RBFOX1: variants seen among roughly 807,000 people sequenced by gnomAD.
The protein encoded by RBFOX1 is RNA binding protein fox-1 homolog 1.
In RBFOX1, 8 loss-of-function variants were observed where a neutral mutation model predicts 57.7. The ratio of observed to expected loss-of-function variants is 0.14; its 90% CI spans 0.08 to 0.25. The LOEUF (loss-of-function observed/expected upper bound fraction) is 0.25. RBFOX1 is among the 10% of genes least tolerant of loss of function. The probability of loss-of-function intolerance (pLI) is 1.00; values close to 1 mark genes in which losing one functional copy is unlikely to be tolerated. For missense variants in RBFOX1, 611 were observed against 548.5 expected (o/e 1.11, Z -1.14); for synonymous variants, 326 against 222.4 (o/e 1.47, Z -4.15).
chr16:6,961,831 G>C (rs1402029644), intron 3 of RBFOX1, among the ~76,000 whole-genome samples: 5 of 152,160 alleles, frequency 3.3e-5, no homozygotes, highest in African/African-American at 1.2e-4. Flanking sequence ...TGAGCAGTGA[G>C]AGCAAACCAG....
intron 4 of RBFOX1, among the ~76,000 whole-genome samples, chr16:7,361,457 C>G (rs1317017811): frequency 6.6e-6 from 1 of 152,186 alleles, no homozygotes; most frequent in African/African-American, 2.4e-5. Flanking sequence ...TTTTACTTGG[C>G]TGAGGGTTAC....
At chr16:6,284,691 CT>C (rs1437761848) in intron 1 of RBFOX1, among the ~76,000 whole-genome samples, 4 of 152,086 alleles carry the variant, frequency 2.6e-5, no homozygotes, top group African/African-American at 7.2e-5. Flanking sequence ...AGATGAACAA[CT>C]ATTCAATCAC....
intron 14 of RBFOX1, among the ~76,000 whole-genome samples, chr16:7,696,950 A>G (rs2078990734): frequency 1.3e-5 from 2 of 152,274 alleles, no homozygotes; most frequent in Non-Finnish European, 2.9e-5. Flanking sequence ...TGGCCCACGG[A>G]TATGAGTACA....
chr16:7,305,084 T>C (rs958212817), intron 4 of RBFOX1, among the ~76,000 whole-genome samples: 7 of 151,560 alleles, frequency 4.6e-5, no homozygotes, highest in Non-Finnish European at 8.8e-5. Context: ...GTGAGCTGTT[T>C]AGGATGTTGT....
intron 3 of RBFOX1, among the ~76,000 whole-genome samples, chr16:5,729,997 C>A (rs776785013): frequency 2.0e-5 from 3 of 152,116 alleles, no homozygotes; most frequent in African/African-American, 7.2e-5. Context: ...GGTCCATGCC[C>A]GCAAAGGGGG....
At chr16:6,521,390 C>T (rs1598798696) in intron 2 of RBFOX1, among the ~76,000 whole-genome samples, 1 of 151,428 alleles carries the variant, frequency 6.6e-6, no homozygotes, top group South Asian at 2.1e-4. Flanking sequence ...CTTTCCTTCC[C>T]TCTCTCCCTC....
chr16:6,999,019 C>G (rs956667744), intron 3 of RBFOX1, among the ~76,000 whole-genome samples: 18 of 151,512 alleles, frequency 1.2e-4, no homozygotes, highest in African/African-American at 3.9e-4. Flanking sequence ...CAAGCATCCA[C>G]TACCATGCCT....
chr16:7,189,847 C>T (rs1014191080), intron 4 of RBFOX1, among the ~76,000 whole-genome samples: 1 of 152,174 alleles, frequency 6.6e-6, no homozygotes, highest in African/African-American at 2.4e-5. Flanking sequence ...CACCATTGTA[C>T]ATCTTGATCG....
At chr16:6,970,190 AAAG>A (rs1443235086) in intron 3 of RBFOX1, among the ~76,000 whole-genome samples, 2 of 151,352 alleles carry the variant, frequency 1.3e-5, no homozygotes, top group African/African-American at 2.4e-5. Context: ...AAAAAATAAA[AAAG>A]AAAGAAACAA....
At chr16:5,449,242 T>C (rs539102725) in intron 1 of RBFOX1, among the ~76,000 whole-genome samples, 1 of 152,210 alleles carries the variant, frequency 6.6e-6, no homozygotes, top group South Asian at 2.1e-4. Flanking sequence ...TAATTGGCCT[T>C]TCCTCTTCCT....
At chr16:6,892,635 A>T (rs2065741127) in intron 3 of RBFOX1, among the ~76,000 whole-genome samples, 1 of 152,108 alleles carries the variant, frequency 6.6e-6, no homozygotes, top group Non-Finnish European at 1.5e-5. Context: ...GCACCACTGT[A>T]CTCCAGCCTG....
chr16:7,013,039 C>G (rs1488335982), intron 3 of RBFOX1, among the ~76,000 whole-genome samples: 2 of 152,108 alleles, frequency 1.3e-5, no homozygotes, highest in African/African-American at 2.4e-5. Context: ...CTCTCTTTCT[C>G]TCCTTTTAAG....
At chr16:7,362,460 G>C (rs2097346339) in intron 4 of RBFOX1, among the ~76,000 whole-genome samples, 1 of 150,782 alleles carries the variant, frequency 6.6e-6, no homozygotes, top group Non-Finnish European at 1.5e-5. Context: ...GTATATATAT[G>C]TTTTTGTGTG....
At chr16:7,017,171 C>T (rs1568384458) in intron 3 of RBFOX1, among the ~76,000 whole-genome samples, 1 of 152,112 alleles carries the variant, frequency 6.6e-6, no homozygotes, top group Non-Finnish European at 1.5e-5. Flanking sequence ...GAGTCGCGGC[C>T]AGCAAATCGT....
intron 4 of RBFOX1, among the ~76,000 whole-genome samples, chr16:7,294,058 A>C (rs895291738): frequency 6.6e-6 from 1 of 152,192 alleles, no homozygotes; most frequent in Non-Finnish European, 1.5e-5. Context: ...AGCTCATGAA[A>C]GAGGAAAAAG....
intron 2 of RBFOX1, among the ~76,000 whole-genome samples, chr16:6,385,620 G>A (rs1161079340): frequency 2.6e-5 from 4 of 152,286 alleles, no homozygotes; most frequent in Admixed American, 2.6e-4. Context: ...TCGGCCTCCC[G>A]ATGTGCTGGG....
intron 3 of RBFOX1, among the ~76,000 whole-genome samples, chr16:6,840,716 G>A (rs960284192): frequency 1.3e-5 from 2 of 151,738 alleles, no homozygotes; most frequent in African/African-American, 2.4e-5. Context: ...GTGAAACCCC[G>A]TCTCTACTAC....
At chr16:7,248,477 T>G (rs967770769) in intron 4 of RBFOX1, among the ~76,000 whole-genome samples, 1 of 152,220 alleles carries the variant, frequency 6.6e-6, no homozygotes, top group South Asian at 2.1e-4. Flanking sequence ...ACAGAGACTT[T>G]CACGCTTACA....
At chr16:6,817,371 T>G (rs371577068) in intron 3 of RBFOX1, among the ~76,000 whole-genome samples, 5 of 152,168 alleles carry the variant, frequency 3.3e-5, no homozygotes, top group African/African-American at 1.2e-4. Flanking sequence ...CCTTCTTTAG[T>G]GTCTCATGGT....
Sources: allele counts gnomAD v4.1 joint callset (sites outside exome capture counted in the v4.1 genomes callset), GRCh38; gene constraint gnomAD v4.1.1; transcripts MANE v1.5; gene names NCBI Gene and HGNC (gene_info 2026-07-23, HGNC 2026-07-21).